The following ADGRL3 variants were observed in gnomAD, a reference collection of about 807,000 sequenced individuals.
The protein encoded by ADGRL3 is adhesion G protein-coupled receptor L3, also known as calcium-independent alpha-latrotoxin receptor 3.
ADGRL3 carries 62 observed loss-of-function variants against 153.5 expected under a neutral mutation model. The observed-to-expected ratio is 0.40, with a 90% CI of 0.33 to 0.50. ADGRL3 has a LOEUF of 0.50. Among genes scored for constraint, ADGRL3 ranks in the 20% least tolerant of loss-of-function variants. The probability of loss-of-function intolerance (pLI) is 0.47; values close to 1 mark genes in which losing one functional copy is unlikely to be tolerated. For missense variants in ADGRL3, 1,641 were observed against 1,859.4 expected, an observed-to-expected ratio of 0.88 and a Z score of 2.16; for synonymous variants, 710 against 672.5, an observed-to-expected ratio of 1.06 and a Z score of -0.86.
At chr4:61,874,677 A>G (rs2098463520) in intron 9 of ADGRL3, among the ~76,000 whole-genome samples, 1 of 151,716 alleles carries the variant, frequency 6.6e-6, no homozygotes, top group Admixed American at 6.6e-5. Context: ...AGTAAAATAT[A>G]CATACCATTA....
At chr4:61,350,347 T>G (rs1338567092) in intron 1 of ADGRL3, among the ~76,000 whole-genome samples, 1 of 149,726 alleles carries the variant, frequency 6.7e-6, no homozygotes, top group African/African-American at 2.5e-5. Flanking sequence ...ATGGAGGTTT[T>G]TTTTTTTTTT....
At chr4:61,473,800 T>TGC (rs1560694299) in intron 2 of ADGRL3, among the ~76,000 whole-genome samples, 1 of 152,156 alleles carries the variant, frequency 6.6e-6, no homozygotes, top group Non-Finnish European at 1.5e-5. Context: ...TGGTTTGTTT[T>TGC]AGCACAATTT....
At chr4:61,258,940 A>G (rs2092263639) in intron 1 of ADGRL3, among the ~76,000 whole-genome samples, 1 of 152,220 alleles carries the variant, frequency 6.6e-6, no homozygotes, top group Non-Finnish European at 1.5e-5. Flanking sequence ...GCATATCAAA[A>G]TAAGAAGATA....
At chr4:61,349,302 TAA>T (rs1023542691) in intron 1 of ADGRL3, among the ~76,000 whole-genome samples, 2 of 152,118 alleles carry the variant, frequency 1.3e-5, no homozygotes, top group African/African-American at 4.8e-5. Context: ...TTTCAACATT[TAA>T]AAAGTGTTCT....
chr4:61,545,964 A>G (rs150134672), intron 4 of ADGRL3, among the ~76,000 whole-genome samples: 1 of 152,308 alleles, frequency 6.6e-6, no homozygotes, highest in African/African-American at 2.4e-5. Flanking sequence ...TCTTAGTTTA[A>G]TCTAAGGACT....
At position 61,280,107 on chromosome 4, in the gene ADGRL3, C is replaced by CTTTTTTT; in HGVS notation, c.-240+78347_-240+78348insTTTTTTT. ...AAAGTATTTTCTTTTCTTTTCTTTTCTTTTTCTTTTTTTTTTTTTTGAGAC... is the reference window on the plus strand; with the variant it reads ...AAAGTATTTTCTTTTCTTTTCTTTTCTTTTTTTTTTTTCTTTTTTTTTTTTTTGAGAC... On this transcript the variant is annotated intron_variant, in intron 1 of 26. Transcript: ENST00000683033. 5.2e-4 allele frequency among the ~76,000 whole-genome samples: 49 copies of CTTTTTTT among 94,662 alleles called. 4 individuals are homozygous for CTTTTTTT. Among genetic ancestry groups the CTTTTTTT allele is most frequent in the South Asian group, 8.1e-4 (2 of 2,472 alleles). The allele number at this position is 94,662 out of a possible 152,430, so 62.1% of individuals were successfully genotyped here. A position where few individuals can be genotyped will look rare whatever the true frequency, so the allele number is the denominator to read the frequency against.
intron 8 of ADGRL3, among the ~76,000 whole-genome samples, chr4:61,811,958 T>C (rs1185575223): frequency 6.6e-6 from 1 of 152,114 alleles, no homozygotes; most frequent in Non-Finnish European, 1.5e-5. Context: ...ATAAAGTAAA[T>C]GATATATTTG....
At chr4:61,234,402 A>AC (rs1056717331) in intron 1 of ADGRL3, among the ~76,000 whole-genome samples, 57 of 151,920 alleles carry the variant, frequency 3.8e-4, no homozygotes, top group African/African-American at 1.3e-3. Flanking sequence ...TTCAATTACC[A>AC]CCCCCTGGGT....
intron 9 of ADGRL3, among the ~76,000 whole-genome samples, chr4:61,827,125 G>C (rs2097814603): frequency 6.6e-6 from 1 of 152,136 alleles, no homozygotes; most frequent in Non-Finnish European, 1.5e-5. Flanking sequence ...GCATCTCAAG[G>C]AACACATGCC....
chr4:61,819,253 T>TA (rs2097723396), intron 9 of ADGRL3, among the ~76,000 whole-genome samples: 1 of 152,122 alleles, frequency 6.6e-6, no homozygotes. Context: ...TATTTGAATG[T>TA]AAAAAATATG....
At chr4:61,426,235 T>C (rs1355354080) in intron 2 of ADGRL3, among the ~76,000 whole-genome samples, 1 of 152,268 alleles carries the variant, frequency 6.6e-6, no homozygotes, top group East Asian at 1.9e-4. Flanking sequence ...GATTGGGCCC[T>C]GGTAAACTGC....
At chr4:62,021,510 A>T (rs896773858) in intron 21 of ADGRL3, among the ~76,000 whole-genome samples, 6 of 152,186 alleles carry the variant, frequency 3.9e-5, no homozygotes, top group African/African-American at 1.4e-4. Flanking sequence ...AAAATTGCAT[A>T]CAGGCATACC....
chr4:61,827,638 A>G (rs1450478879), intron 9 of ADGRL3, among the ~76,000 whole-genome samples: 2 of 152,204 alleles, frequency 1.3e-5, no homozygotes, highest in African/African-American at 4.8e-5. Context: ...ACTAAAAGAC[A>G]GTAGCAATGG....
intron 4 of ADGRL3, among the ~76,000 whole-genome samples, chr4:61,586,501 G>T (rs1054771477): frequency 3.3e-5 from 5 of 151,984 alleles, no homozygotes; most frequent in African/African-American, 1.2e-4. Flanking sequence ...CAAACAATAT[G>T]TATAGTGTGA....
intron 25 of ADGRL3, among the ~76,000 whole-genome samples, chr4:62,051,540 C>T (rs779998017): frequency 7.9e-5 from 12 of 151,382 alleles, no homozygotes; most frequent in Non-Finnish European, 1.6e-4. Flanking sequence ...TTACTCAGCA[C>T]GTCCTTCTTA....
intron 1 of ADGRL3, among the ~76,000 whole-genome samples, chr4:61,297,889 A>G (rs2094464077): frequency 6.6e-6 from 1 of 151,962 alleles, no homozygotes; most frequent in African/African-American, 2.4e-5. Flanking sequence ...GACCACTATT[A>G]CAGTATCATT....
intron 9 of ADGRL3, among the ~76,000 whole-genome samples, chr4:61,873,015 T>C (rs1235462176): frequency 6.6e-6 from 1 of 152,236 alleles, no homozygotes; most frequent in Non-Finnish European, 1.5e-5. Flanking sequence ...AATCTAACTG[T>C]ATAATAAATA....
intron 11 of ADGRL3, among the ~76,000 whole-genome samples, chr4:61,905,828 G>C (rs6827558): frequency 0.59 from 88,683 of 151,046 alleles, 27,334 homozygotes; most frequent in Non-Finnish European, 0.7. Flanking sequence ...TGGGGAGACA[G>C]AGGTTGCAGT....
At chr4:61,826,666 G>A (rs1370000455) in intron 9 of ADGRL3, among the ~76,000 whole-genome samples, 1 of 152,004 alleles carries the variant, frequency 6.6e-6, no homozygotes, top group Non-Finnish European at 1.5e-5. Context: ...TACATACTAT[G>A]GTTTCAATTT....
Sources: allele counts gnomAD v4.1 joint callset (sites outside exome capture counted in the v4.1 genomes callset), GRCh38; gene constraint gnomAD v4.1.1; transcripts MANE v1.5; gene names NCBI Gene and HGNC (gene_info 2026-07-23, HGNC 2026-07-21).